Variants in LETM1 observed in about 807,000 individuals in gnomAD.
The protein encoded by LETM1 is mitochondrial proton/calcium exchanger protein.
A neutral mutation model predicts 74.5 loss-of-function variants in LETM1; 50 were observed. The ratio of observed to expected loss-of-function variants is 0.67; its 90% confidence interval spans 0.53 to 0.85. The LOEUF (loss-of-function observed/expected upper bound fraction) is 0.85. LETM1 is among the 40% of genes least tolerant of loss of function. The pLI, the probability that LETM1 is intolerant of heterozygous loss-of-function variation, is 0.00. For synonymous variants in LETM1, 446 were observed against 407.1 expected (o/e 1.10, Z -1.15); for missense variants, 824 against 967.8 (o/e 0.85, Z 1.97).
At chr4:1,845,397 G>C (rs111779218) in intron 2 of LETM1, among the ~76,000 whole-genome samples, 1 of 152,158 alleles carries the variant, frequency 6.6e-6, no homozygotes, top group Non-Finnish European at 1.5e-5. Context: ...CCTGAGGTCA[G>C]GAGTTCGAGA....
At chr4:1,821,131 T>G (rs1711759895) in intron 10 of LETM1, among the ~76,000 whole-genome samples, 1 of 151,700 alleles carries the variant, frequency 6.6e-6, no homozygotes, top group African/African-American at 2.4e-5. Flanking sequence ...AAATTTTTTT[T>G]TTTTTTTTTT....
At position 1,836,323 on chromosome 4, in the gene LETM1, C is replaced by T. The variant is rs543483572; in HGVS notation, c.738+106G>A. 7.8e-5 allele frequency: 84 copies of T among 1,081,850 alleles called. No individual in the cohort carries two copies. The highest frequency in any genetic ancestry group is 1.1e-4 in the Non-Finnish European group (77 of 716,902). 67.0% of individuals were successfully genotyped at this position (1,081,850 alleles called of 1,614,324 possible). On this transcript the variant is annotated intron_variant, in intron 4 of 13. Coordinates refer to ENST00000302787, the MANE Select transcript of LETM1 (RefSeq NM_012318.3). This position sits in a 1 kb window ranked among gnomAD's most constrained non-coding sequence, Gnocchi z 5.8. Reference sequence around the variant, plus strand: ...ACAGCACAAGGACAATATGAAGATACATAAAGTCTCAAAAATATCTAGCAC... The same window carrying T: ...ACAGCACAAGGACAATATGAAGATATATAAAGTCTCAAAAATATCTAGCAC...
At position 1,855,889 on chromosome 4, in the gene LETM1, G is replaced by T; in HGVS notation, c.62C>A (p.Pro21His). 1 of 1,238,910 alleles carries T rather than the reference G, an allele frequency of 8.1e-7. No homozygotes were observed. The highest frequency in any genetic ancestry group is 3.4e-5 in the South Asian group (1 of 29,478). The allele number at this position is 1,238,910 out of a possible 1,614,324, so 76.7% of individuals were successfully genotyped here. Residue 21 changes from proline to histidine, a missense_variant, in exon 1 of 14, where the codon CCT (proline) becomes CAT (histidine). Pro to His is a moderately conservative substitution (Grantham distance 77). Around this residue, in one of 4 missense-constraint regions of LETM1, gnomAD observed 222 missense variants for 195.6 expected, o/e 1.14. Coordinates refer to ENST00000302787, the MANE Select transcript of LETM1 (RefSeq NM_012318.3). ...CTTACCCCGCGGGACGGTGTACCGA[G>T]GCGGCGGCGGGAGGCGGGCGGGCGC... Reference protein sequence around the residue: ...GRAPARLPPPPRYTVPRGSPG... With the variant: ...GRAPARLPPPHRYTVPRGSPG...
intron 1 of LETM1, among the ~76,000 whole-genome samples, chr4:1,854,929 G>A (rs1375290717): frequency 2.0e-5 from 3 of 152,146 alleles, no homozygotes; most frequent in Non-Finnish European, 4.4e-5. Context: ...GGTGGCTCCT[G>A]TAATCCCAGC....
At chr4:1,823,871 G>C (rs1711887575) in intron 7 of LETM1, 96 bp from the exon 8 acceptor site, 1 of 1,350,114 alleles carries the variant, frequency 7.4e-7, no homozygotes, top group Non-Finnish European at 1.0e-6. Context: ...AGCTCTCAGA[G>C]AAGACAGTGT....
intron 10 of LETM1, among the ~76,000 whole-genome samples, chr4:1,821,468 C>A (rs1020154793): frequency 2.0e-5 from 3 of 151,564 alleles, no homozygotes; most frequent in African/African-American, 4.8e-5. Context: ...GCGGGAAGAT[C>A]ACTTGAGGTC....
intron 9 of LETM1, 160 bp from the exon 10 acceptor site, chr4:1,822,472 A>G (rs1452570549): frequency 7.6e-6 from 6 of 791,826 alleles, no homozygotes; most frequent in East Asian, 3.4e-5. Context: ...GGGAGGCTCC[A>G]TGCAGCTGCC....
At chr4:1,828,026 C>T (rs1344838917) in intron 6 of LETM1, among the ~76,000 whole-genome samples, 1 of 140,500 alleles carries the variant, frequency 7.1e-6, no homozygotes, top group East Asian at 2.1e-4. Context: ...CCGGACGGGG[C>T]GGCTGGCCGG....
rs577349779 is a variant in LETM1, at chr4:1,812,921, G to A, written c.*1503C>T. 2 of 152,476 alleles carry A rather than the reference G, an allele frequency of 1.3e-5. No individual in the cohort carries two copies. The highest frequency in any genetic ancestry group is 2.1e-4 in the South Asian group (1 of 4,828). The allele number at this position is 152,476 out of a possible 1,614,324, so 9.4% of individuals were successfully genotyped here. ...GACGAGGATGAGAGCCGGGGCAGCT[G>A]ACTGGGCCCGCGATGCCGCTCACAG... On this transcript the variant is annotated 3_prime_UTR_variant, in exon 14 of 14. Coordinates refer to ENST00000302787, the MANE Select transcript of LETM1 (RefSeq NM_012318.3).
rs200375645 is a variant in LETM1, at chr4:1,841,657, A to T, written c.284T>A (p.Phe95Tyr). ...AAGGCACTGAGGTCCCACAGCCACAAAACCCACAGAGGTAGAGGTCCATGG... is the reference window on the plus strand; with the variant it reads ...AAGGCACTGAGGTCCCACAGCCACATAACCCACAGAGGTAGAGGTCCATGG... ...RAPWTSTSVGFVAVGPQCLPV... is the reference protein window; with the variant it reads ...RAPWTSTSVGYVAVGPQCLPV... The change falls in exon 3 of 14, where the codon TTT (phenylalanine) becomes TAT (tyrosine). Residue 95 changes from phenylalanine (F) to tyrosine (Y), a missense_variant. Phe to Tyr is a conservative substitution (Grantham distance 22). Around this residue, in one of 4 missense-constraint regions of LETM1, gnomAD observed 222 missense variants for 195.6 expected, o/e 1.14. Transcript: ENST00000302787. 3 of 1,614,180 alleles carry T rather than the reference A, an allele frequency of 1.9e-6. No individual in the cohort carries two copies. Among genetic ancestry groups the T allele is most frequent in the Non-Finnish European group, 2.5e-6 (3 of 1,180,020 alleles).
rs530683366 is a variant in LETM1 at position 1,842,501 on chromosome 4, C to T, written c.144-704G>A. Among the ~76,000 whole-genome samples the T allele has an allele frequency of 3.3e-5, 5 of 152,342 alleles. No individual in the cohort carries two copies. The East Asian group carries it at 5.8e-4, about 18-fold the overall frequency. On this transcript the variant is annotated intron_variant, in intron 2 of 13. Transcript: ENST00000302787. The stretch of plus-strand genomic sequence containing the variant: ...ACTCAGACCTCCCTGACCACTCCAC[C>T]GCTCTTGCCTCTCATCCACAGTGCT...
intron 10 of LETM1, among the ~76,000 whole-genome samples, chr4:1,820,058 T>A (rs892016911): frequency 6.6e-5 from 10 of 152,154 alleles, no homozygotes; most frequent in African/African-American, 2.4e-4. Context: ...TGCCTCAGCC[T>A]CCCCAGGAGC....
In LETM1 at chr4:1,836,600, G is replaced by T. The variant is rs144081780; in HGVS notation, c.595-28C>A. 609 of 1,612,522 alleles carry T rather than the reference G, an allele frequency of 3.8e-4. 5 individuals carry two copies. The African/African-American group carries it at 6.9e-3, about 18-fold the overall frequency. On this transcript the variant is annotated intron_variant, in intron 3 of 13. Coordinates refer to ENST00000302787, the MANE Select transcript of LETM1 (RefSeq NM_012318.3). This position sits in a 1 kb window ranked among gnomAD's most constrained non-coding sequence, Gnocchi z 5.8. ...GGAAGGGGCGGAATCCATCAGAGGG[G>T]AGCAGAGCACATGTGGGAACAAGGG...
chr4:1,842,701 C>A (rs1381038436), intron 2 of LETM1, among the ~76,000 whole-genome samples: 1 of 152,248 alleles, frequency 6.6e-6, no homozygotes, highest in Non-Finnish European at 1.5e-5. Flanking sequence ...CATCTCGGTC[C>A]ACGCTGCATC....
rs779329755 is a variant in LETM1, at chr4:1,841,680, T to C, written c.261A>G (p.Pro87=). ...PECLRIVSRA[P]WTSTSVGFVA... is the part of the protein sequence containing the mutation. Reference sequence around the variant, plus strand: ...CAAAACCCACAGAGGTAGAGGTCCATGGCGCTCTCGACACTATGCGAAGGC... The same window carrying C: ...CAAAACCCACAGAGGTAGAGGTCCACGGCGCTCTCGACACTATGCGAAGGC... The change falls in exon 3 of 14, where the codon CCA becomes CCG. Residue 87 remains proline, a synonymous_variant. Transcript: ENST00000302787. 1.2e-6 allele frequency: 2 copies of C among 1,614,054 alleles called. No homozygotes were observed. Among genetic ancestry groups the C allele is most frequent in the Non-Finnish European group, 1.7e-6 (2 of 1,180,052 alleles).
At chr4:1,828,102 A>C (rs1470273804) in intron 6 of LETM1, among the ~76,000 whole-genome samples, 388 of 49,984 alleles carry the variant, frequency 7.8e-3, no homozygotes, top group Middle Eastern at 0.032. Context: ...GGGGGCTGAC[A>C]CCCCCACCTC....
At chr4:1,828,804 C>T (rs1712132022) in intron 6 of LETM1, among the ~76,000 whole-genome samples, 1 of 116,806 alleles carries the variant, frequency 8.6e-6, no homozygotes, top group African/African-American at 3.3e-5. Context: ...GCTGGCCGGG[C>T]AGGGGGGCTG....
Position 1,855,891 on chromosome 4 carries a change from C to T in LETM1, c.60G>A (p.Pro20=). 8.1e-7 allele frequency: 1 copy of T among 1,238,906 alleles called. No homozygotes were observed. The allele number at this position is 1,238,906 out of a possible 1,614,324, so 76.7% of individuals were successfully genotyped here. A position where few individuals can be genotyped will look rare whatever the true frequency, so the allele number is the denominator to read the frequency against. The part of the protein sequence containing the change: ...RGRAPARLPP[P]PRYTVPRGSP... ...TACCCCGCGGGACGGTGTACCGAGG[C>T]GGCGGCGGGAGGCGGGCGGGCGCCC... The change falls in exon 1 of 14, where the codon CCG becomes CCA. Residue 20 remains proline (P), a synonymous_variant. Transcript: ENST00000302787.
rs982781982 is a variant in LETM1 at position 1,813,818 on chromosome 4, G to T, written c.*606C>A. 1 of 154,132 alleles carries T rather than the reference G, an allele frequency of 6.5e-6. No homozygotes were observed. The highest frequency in any genetic ancestry group is 1.4e-5 in the Non-Finnish European group (1 of 69,200). 9.5% of individuals were successfully genotyped at this position (154,132 alleles called of 1,614,324 possible). Reference sequence around the variant, plus strand: ...CCGATACACAAGGGAAACCGCACGTGAGAACCAGCACTCCCAGCAGGGAGA... The same window carrying T: ...CCGATACACAAGGGAAACCGCACGTTAGAACCAGCACTCCCAGCAGGGAGA... On this transcript the variant is annotated 3_prime_UTR_variant, in exon 14 of 14. Coordinates refer to ENST00000302787, the MANE Select transcript of LETM1 (RefSeq NM_012318.3).
Sources: gnomAD v4.1 joint callset for allele counts (sites outside exome capture counted in the v4.1 genomes callset) on GRCh38, gnomAD v4.1.1 for gene constraint, gnomAD v4.1.1 regional missense constraint, Gnocchi (gnomAD v3.1) non-coding constraint, MANE v1.5 for transcripts, NCBI Gene and HGNC (gene_info 2026-07-23, HGNC 2026-07-21) for gene names.